The following RTN4 variants were observed in gnomAD, a reference collection of about 807,000 sequenced individuals.
The protein encoded by RTN4 is reticulon 4.
In RTN4, 32 loss-of-function variants were observed where a neutral mutation model predicts 90.4. The ratio of observed to expected loss-of-function variants is 0.35; its 90% CI spans 0.27 to 0.48. The LOEUF is 0.48. Among genes scored for constraint, RTN4 ranks in the 20% least tolerant of loss-of-function variants. The probability of loss-of-function intolerance (pLI) is 0.99; values close to 1 mark genes in which losing one functional copy is unlikely to be tolerated. For missense variants in RTN4, 1,706 were observed against 1,430.2 expected (o/e 1.19, Z -3.11); for synonymous variants, 629 against 552.5 (o/e 1.14, Z -1.94).
intron 1 of RTN4, among the ~76,000 whole-genome samples, chr2:55,110,553 A>T (rs907892955): frequency 1.3e-5 from 2 of 152,192 alleles, no homozygotes; most frequent in African/African-American, 2.4e-5. Flanking sequence ...TGAAGAAAAC[A>T]AATGTTCCCA....
chr2:54,982,430 G>A lies in RTN4; in HGVS notation c.3360+85C>T, dbSNP rs943250845. The A allele has an allele frequency of 5.2e-6, 6 of 1,154,840 alleles. No homozygotes were observed. The African/African-American group carries it at 9.5e-5, about 18-fold the overall frequency. 71.5% of individuals were successfully genotyped at this position (1,154,840 alleles called of 1,614,324 possible). A position where few individuals can be genotyped will look rare whatever the true frequency, so the allele number is the denominator to read the frequency against. On this transcript the variant is annotated intron_variant, in intron 5 of 8. Coordinates refer to ENST00000337526, the MANE Select transcript of RTN4 (RefSeq NM_020532.5). Reference sequence around the variant, plus strand: ...TTTAATTAATATTTATCATTTACTTGAATATAGAAGAACAGAATTTTACAC... The same window carrying A: ...TTTAATTAATATTTATCATTTACTTAAATATAGAAGAACAGAATTTTACAC...
chr2:55,044,212 A>C (rs1683262890), intron 1 of RTN4, among the ~76,000 whole-genome samples: 1 of 152,066 alleles, frequency 6.6e-6, no homozygotes, highest in African/African-American at 2.4e-5. Flanking sequence ...TAAATACATA[A>C]ATATAAAAGT....
At chr2:55,084,315 T>C (rs1668797684) in intron 1 of RTN4, among the ~76,000 whole-genome samples, 1 of 151,798 alleles carries the variant, frequency 6.6e-6, no homozygotes, top group African/African-American at 2.4e-5. Flanking sequence ...TTTTTTTTTT[T>C]TTTTAAATAG....
intron 3 of RTN4, among the ~76,000 whole-genome samples, chr2:55,011,533 T>C (rs1371743039): frequency 6.6e-6 from 1 of 152,184 alleles, no homozygotes; most frequent in Non-Finnish European, 1.5e-5. Flanking sequence ...GAAAATACTA[T>C]AAGATACGTA....
At chr2:55,048,661 C>G (rs1280467029) in intron 1 of RTN4, among the ~76,000 whole-genome samples, 2 of 152,086 alleles carry the variant, frequency 1.3e-5, no homozygotes, top group Non-Finnish European at 2.9e-5. Context: ...ACCTAAACGT[C>G]GTTATGAGGC....
At chr2:55,083,402 A>G (rs1668758700) in intron 1 of RTN4, among the ~76,000 whole-genome samples, 1 of 152,308 alleles carries the variant, frequency 6.6e-6, no homozygotes. Context: ...CAGCTGAGGC[A>G]CGAGGATTGC....
At chr2:55,091,091 C>T (rs1260291578) in intron 1 of RTN4, among the ~76,000 whole-genome samples, 1 of 152,258 alleles carries the variant, frequency 6.6e-6, no homozygotes, top group African/African-American at 2.4e-5. Context: ...TAACCAGTTG[C>T]CCTGTCTTTC....
intron 1 of RTN4, among the ~76,000 whole-genome samples, chr2:55,092,761 T>C (rs1012758047): frequency 2.0e-5 from 3 of 152,234 alleles, no homozygotes; most frequent in African/African-American, 7.2e-5. Context: ...TATATGTAGA[T>C]GCCCTTTTCC....
the RTN4 span, among the ~76,000 whole-genome samples, chr2:55,134,992 G>A: frequency 6.6e-6 from 1 of 152,104 alleles, no homozygotes; most frequent in Non-Finnish European, 1.5e-5. Flanking sequence ...CATAGCACCA[G>A]GCATGGTGGC....
At chr2:55,073,881 C>T (rs1318808038) in intron 2 of RTN4, among the ~76,000 whole-genome samples, 1 of 152,180 alleles carries the variant, frequency 6.6e-6, no homozygotes, top group African/African-American at 2.4e-5. Flanking sequence ...AGGACCTGAG[C>T]TCAGTTTCTG....
chr2:55,042,616 T>C (rs1430998079), intron 1 of RTN4, among the ~76,000 whole-genome samples: 1 of 152,230 alleles, frequency 6.6e-6, no homozygotes, highest in African/African-American at 2.4e-5. Flanking sequence ...TTTCTGTGTA[T>C]TCTTGTAGTA....
the RTN4 span, among the ~76,000 whole-genome samples, chr2:55,119,471 G>A: frequency 6.6e-6 from 1 of 152,184 alleles, no homozygotes; most frequent in Non-Finnish European, 1.5e-5. Context: ...TGTGATAGCT[G>A]GCTGGCTTCA....
rs913233970 is a variant in RTN4, at chr2:55,077,319, A to G, written c.-63+3170T>C. Among the ~76,000 whole-genome samples, 48 of 152,168 alleles carry G rather than the reference A, an allele frequency of 3.2e-4. 1 individual carries two copies. The highest frequency in any genetic ancestry group is 1.2e-3 in the African/African-American group (48 of 41,450). ...TGAGCCACCACACCCCGCCTAGGGC[A>G]GTTCTCTATAGCAGCATGAGAACGG... is the stretch of plus-strand genomic sequence containing the variant. On this transcript the variant is annotated intron_variant, in intron 2 of 3. Transcript: ENST00000427710.
At chr2:54,995,688 C>G (rs144510711) in intron 3 of RTN4, among the ~76,000 whole-genome samples, 1,638 of 152,236 alleles carry the variant, frequency 0.011, 18 homozygotes, top group Middle Eastern at 0.024. Context: ...CTGGACAGGA[C>G]ACCATTCCAT....
At chr2:54,973,967 A>G in intron 6 of RTN4, 100 bp from the exon 7 acceptor site, 1 of 1,004,100 alleles carries the variant, frequency 1.0e-6, no homozygotes, top group Non-Finnish European at 1.5e-6. Flanking sequence ...ATAACCAAGC[A>G]GTGTTCCTAA....
At chr2:55,050,994 G>A (rs1668076261), upstream of RTN4, among the ~76,000 whole-genome samples, 1 of 152,202 alleles carries the variant, frequency 6.6e-6, no homozygotes, top group Admixed American at 6.5e-5. The surrounding 1 kb of genome is among the most constrained non-coding windows in gnomAD (Gnocchi z 4.6). Flanking sequence ...GGACTGGGAA[G>A]TGGGCCCTAA....
chr2:55,044,785 T>TAAAAAAAAA (rs10639848), intron 1 of RTN4, among the ~76,000 whole-genome samples: 9 of 65,644 alleles, frequency 1.4e-4, no homozygotes, highest in East Asian at 5.5e-4. Flanking sequence ...TGCAAATCAC[T>TAAAAAAAAA]AAAAAAAAAA....
the RTN4 span, among the ~76,000 whole-genome samples, chr2:55,134,031 T>A: frequency 1.4e-4 from 22 of 152,194 alleles, no homozygotes; most frequent in East Asian, 4.3e-3. Context: ...GGGAAAGGGG[T>A]GGGGAATTTC....
In RTN4 at chr2:55,085,903, A is replaced by G. The variant is rs1668828462; in HGVS notation, c.-213-5264T>C. On this transcript the variant is annotated intron_variant, in intron 1 of 3. Transcript: ENST00000427710. ...ATGTTTACAAAATATGTTCATAAAT[A>G]CATCTTGTGTAATCTTCACAAATCA... 2.0e-5 allele frequency among the ~76,000 whole-genome samples: 3 copies of G among 152,360 alleles called. No individual in the cohort carries two copies. The South Asian group carries it at 6.2e-4, about 32-fold the overall frequency.
Sources: gnomAD v4.1 joint callset for allele counts (sites outside exome capture counted in the v4.1 genomes callset) on GRCh38, gnomAD v4.1.1 for gene constraint, Gnocchi (gnomAD v3.1) non-coding constraint, MANE v1.5 for transcripts, NCBI Gene and HGNC (gene_info 2026-07-23, HGNC 2026-07-21) for gene names.